The following CLOCK variants were observed in gnomAD, a reference collection of about 807,000 sequenced individuals.
CLOCK encodes the protein clock circadian regulator, also known as circadian locomoter output cycles protein kaput.
In CLOCK, 43 loss-of-function variants were observed where a neutral mutation model predicts 118.4. The ratio of observed to expected loss-of-function variants is 0.36; its 90% confidence interval spans 0.28 to 0.47. The LOEUF (loss-of-function observed/expected upper bound fraction) is 0.47, where lower values mean the gene tolerates loss of function less well. Ranked by LOEUF, CLOCK falls within the 20% of genes least tolerant of loss-of-function variation. The pLI is 1.00. For missense variants in CLOCK, 846 were observed against 999.9 expected (o/e 0.85, Z 2.08); for synonymous variants, 326 against 339.2 (o/e 0.96, Z 0.43).
rs747488629 is a variant in CLOCK, at chr4:55,453,020, T to C, written c.1206+34A>G. On this transcript the variant is annotated intron_variant, in intron 15 of 22. Transcript: ENST00000513440. ...GTTTCATCTTTTATTGGGGAGAAAT[T>C]AAAAATAATTTTTTTTAATTATAAG... The C allele has an allele frequency of 2.1e-6, 3 of 1,455,228 alleles. No homozygotes were observed. In the South Asian group the frequency reaches 3.7e-5, roughly 18 times the overall value. The allele number at this position is 1,455,228 out of a possible 1,614,324, so 90.1% of individuals were successfully genotyped here. A position where few individuals can be genotyped will look rare whatever the true frequency, so the allele number is the denominator to read the frequency against.
chr4:55,459,220 T>G lies in CLOCK; in HGVS notation c.601A>C (p.Thr201Pro). ...LEFCCHMLRG[T>P]IDPKEPSTYE... is the part of the protein sequence containing the mutation. ...GTAGATGGCTCCTTTGGGTCTATTG[T>G]TCCTCGCAGCATGTGACAACAGAAT... Residue 201 changes from threonine to proline, a missense_variant, in exon 10 of 23, where the codon ACA (threonine) becomes CCA (proline). Transcript: ENST00000513440. The G allele has an allele frequency of 6.2e-7, 1 of 1,612,536 alleles. No individual in the cohort carries two copies. The highest frequency in any genetic ancestry group is 8.5e-7 in the Non-Finnish European group (1 of 1,178,634).
chr4:55,506,429 A>C (rs958277319), intron 2 of CLOCK, among the ~76,000 whole-genome samples: 1 of 152,184 alleles, frequency 6.6e-6, no homozygotes, highest in African/African-American at 2.4e-5. Context: ...TCTTAAAAAA[A>C]ACCATATAGG....
chr4:55,457,347 C>T (rs529453042), intron 11 of CLOCK, among the ~76,000 whole-genome samples: 1 of 152,168 alleles, frequency 6.6e-6, no homozygotes, highest in Admixed American at 6.5e-5. Flanking sequence ...GTGGCCATTA[C>T]TAAATCTTTT....
At chr4:55,485,863 T>G (rs1370346516) in intron 3 of CLOCK, among the ~76,000 whole-genome samples, 1 of 152,130 alleles carries the variant, frequency 6.6e-6, no homozygotes, top group African/African-American at 2.4e-5. Context: ...ACCCCATAAA[T>G]AAATATATAT....
At chr4:55,438,659 G>T in intron 21 of CLOCK, 122 bp from the exon 22 acceptor site, 1 of 1,413,050 alleles carries the variant, frequency 7.1e-7, no homozygotes, top group Non-Finnish European at 9.7e-7. Context: ...GTTTTTCAAG[G>T]TCTGTATATT....
intron 1 of CLOCK, chr4:55,540,773 T>A (rs1236727113): frequency 6.6e-6 from 1 of 152,278 alleles, no homozygotes; most frequent in African/African-American, 2.4e-5. Context: ...GCCAGCCAGA[T>A]GAGCTGAATC....
chr4:55,512,163 C>T (rs573650994), intron 1 of CLOCK, among the ~76,000 whole-genome samples: 44 of 152,256 alleles, frequency 2.9e-4, no homozygotes, highest in Admixed American at 1.2e-3. Flanking sequence ...ACCTGCCAAA[C>T]TGCCTTTCAA....
At chr4:55,453,616 C>G (rs1182581957) in intron 14 of CLOCK, 61 bp downstream of exon 14, 3 of 1,490,558 alleles carry the variant, frequency 2.0e-6, no homozygotes, top group Non-Finnish European at 2.8e-6. Flanking sequence ...ATAAAAGTTA[C>G]AATGCCAAAA....
rs536972494 is a variant in CLOCK, at chr4:55,493,635, C to T, written c.-135-4170G>A. ...CTTTTTAGATTCGTTGTTTAATGTA[C>T]GAGGAAAAAATGAAATTAAACAGTG... On this transcript the variant is annotated intron_variant, in intron 2 of 22. Coordinates refer to ENST00000513440, the MANE Select transcript of CLOCK (RefSeq NM_004898.4). 1.2e-4 allele frequency among the ~76,000 whole-genome samples: 19 copies of T among 152,090 alleles called. No individual in the cohort carries two copies. The South Asian group carries it at 2.3e-3, about 18-fold the overall frequency.
At chr4:55,475,895 A>T in intron 7 of CLOCK, 68 bp downstream of exon 7, 1 of 1,049,222 alleles carries the variant, frequency 9.5e-7, no homozygotes. Flanking sequence ...GTACACCTGG[A>T]TATTAAGTCA....
At chr4:55,546,463 C>CCCTTCCCCGCGCCCTCA (rs1731640390) in intron 1 of CLOCK, 1 of 152,308 alleles carries the variant, frequency 6.6e-6, no homozygotes, top group Non-Finnish European at 1.5e-5. Context: ...CCGCTCCCTC[C>CCCTTCCCCGCGCCCTCA]CCTTCCCCGC....
intron 11 of CLOCK, among the ~76,000 whole-genome samples, chr4:55,458,248 G>T (rs981057524): frequency 6.6e-6 from 1 of 152,146 alleles, no homozygotes; most frequent in Non-Finnish European, 1.5e-5. Context: ...TTTTTGTAGA[G>T]ATGGGGTCTT....
At chr4:55,492,129 G>C (rs1007349111) in intron 2 of CLOCK, among the ~76,000 whole-genome samples, 2 of 152,094 alleles carry the variant, frequency 1.3e-5, no homozygotes, top group Admixed American at 1.3e-4. Context: ...GCATATTGAT[G>C]AAAAATTCTC....
intron 8 of CLOCK, among the ~76,000 whole-genome samples, chr4:55,466,980 CACAA>C (rs1398451148): frequency 2.0e-5 from 3 of 152,166 alleles, no homozygotes; most frequent in African/African-American, 7.2e-5. Flanking sequence ...GATTGGATGA[CACAA>C]ACAATTTTTT....
chr4:55,545,052 C>CTTTTTTTTTTTTTTTTTTTTTT (rs34291520), intron 1 of CLOCK, among the ~76,000 whole-genome samples: 1 of 144,632 alleles, frequency 6.9e-6, no homozygotes, highest in Admixed American at 7.0e-5. Context: ...TTCAGGCTAA[C>CTTTTTTTTTTTTTTTTTTTTTT]TTTTTTTTTT....
At chr4:55,537,702 G>A (rs1437227141) in intron 1 of CLOCK, among the ~76,000 whole-genome samples, 1 of 152,190 alleles carries the variant, frequency 6.6e-6, no homozygotes, top group African/African-American at 2.4e-5. Context: ...GCTGAGGTGG[G>A]AGGATCACTT....
At chr4:55,448,454 A>G (rs1724068658) in intron 18 of CLOCK, among the ~76,000 whole-genome samples, 1 of 152,220 alleles carries the variant, frequency 6.6e-6, no homozygotes, top group African/African-American at 2.4e-5. Flanking sequence ...AAAGATATTT[A>G]GTATTCCTGG....
intron 1 of CLOCK, among the ~76,000 whole-genome samples, chr4:55,527,701 G>C (rs1408392879): frequency 6.6e-6 from 1 of 152,118 alleles, no homozygotes; most frequent in Non-Finnish European, 1.5e-5. Context: ...ATGATATTAA[G>C]GAAGTATCGT....
intron 1 of CLOCK, among the ~76,000 whole-genome samples, chr4:55,511,659 G>A (rs1729155455): frequency 6.6e-6 from 1 of 152,056 alleles, no homozygotes; most frequent in African/African-American, 2.4e-5. Flanking sequence ...CACTCTTAGT[G>A]CTGTACATTT....
Sources: gnomAD v4.1 joint callset for allele counts (sites outside exome capture counted in the v4.1 genomes callset) on GRCh38, gnomAD v4.1.1 for gene constraint, MANE v1.5 for transcripts, NCBI Gene and HGNC (gene_info 2026-07-23, HGNC 2026-07-21) for gene names.